Variants in ADAMTSL3 observed in about 807,000 individuals in gnomAD.
ADAMTSL3 encodes ADAMTS-like protein 3.
ADAMTSL3 carries 128 observed loss-of-function variants against 201.7 expected under a neutral mutation model. The ratio of observed to expected loss-of-function variants is 0.63; its 90% CI spans 0.55 to 0.73. The LOEUF (loss-of-function observed/expected upper bound fraction) is 0.73, where lower values mean the gene tolerates loss of function less well. Among genes scored for constraint, ADAMTSL3 ranks in the 30% least tolerant of loss-of-function variants. The pLI is 0.00. For missense variants in ADAMTSL3, 1,990 were observed against 2,119.6 expected (o/e 0.94, Z 1.20); for synonymous variants, 738 against 748.4 (o/e 0.99, Z 0.23).
At chr15:83,658,405 G>A (rs955021440) in intron 2 of ADAMTSL3, among the ~76,000 whole-genome samples, 7 of 152,298 alleles carry the variant, frequency 4.6e-5, no homozygotes, top group East Asian at 1.9e-4. Flanking sequence ...CACTGCGCCC[G>A]TCCACAAATA....
At chr15:84,020,988 A>G (rs1168769732) in intron 25 of ADAMTSL3, among the ~76,000 whole-genome samples, 3 of 152,216 alleles carry the variant, frequency 2.0e-5, no homozygotes, top group Non-Finnish European at 4.4e-5. Flanking sequence ...CTGCTAAATC[A>G]TCTTTCATTT....
intron 3 of ADAMTSL3, among the ~76,000 whole-genome samples, chr15:83,715,365 A>G (rs904314558): frequency 5.9e-5 from 9 of 152,226 alleles, no homozygotes; most frequent in Non-Finnish European, 1.0e-4. Context: ...TTAATAATAC[A>G]TGGCTACATA....
chr15:83,860,655 C>A (rs1356340909), intron 8 of ADAMTSL3, among the ~76,000 whole-genome samples: 1 of 152,206 alleles, frequency 6.6e-6, no homozygotes, highest in East Asian at 1.9e-4. Flanking sequence ...AATAAGTAAG[C>A]AATAAATAGA....
intron 3 of ADAMTSL3, chr15:83,717,627 G>A (rs1327921621): frequency 6.6e-6 from 1 of 152,090 alleles, no homozygotes; most frequent in Admixed American, 6.5e-5. Context: ...TTGGCTTTGG[G>A]ATCATGCAAA....
intron 3 of ADAMTSL3, among the ~76,000 whole-genome samples, chr15:83,771,094 A>G (rs1409118042): frequency 6.6e-6 from 1 of 151,878 alleles, no homozygotes; most frequent in Non-Finnish European, 1.5e-5. Context: ...AACAAACAAA[A>G]AGCCCACAAA....
At chr15:83,920,055 TATTTA>T (rs2066108021) in intron 16 of ADAMTSL3, among the ~76,000 whole-genome samples, 1 of 152,210 alleles carries the variant, frequency 6.6e-6, no homozygotes, top group African/African-American at 2.4e-5. Context: ...AATATGCTAT[TATTTA>T]ATTTAAGATA....
intron 24 of ADAMTSL3, among the ~76,000 whole-genome samples, chr15:84,015,168 T>A (rs548112933): frequency 1.3e-5 from 2 of 152,236 alleles, no homozygotes; most frequent in Admixed American, 6.5e-5. Context: ...ATGGTCTCAA[T>A]CTCTTGACCT....
chr15:83,996,404 A>G (rs1289620495), intron 23 of ADAMTSL3, among the ~76,000 whole-genome samples: 1 of 152,242 alleles, frequency 6.6e-6, no homozygotes, highest in East Asian at 1.9e-4. Flanking sequence ...AAGTCAAGCC[A>G]CATTTCTGGC....
chr15:83,903,942 AAAG>A (rs2065782855), intron 15 of ADAMTSL3, among the ~76,000 whole-genome samples: 3 of 38,112 alleles, frequency 7.9e-5, no homozygotes, highest in African/African-American at 6.3e-4. Flanking sequence ...AAAAAAAAAA[AAAG>A]AAAAAAGAAA....
intron 8 of ADAMTSL3, among the ~76,000 whole-genome samples, chr15:83,870,463 C>T (rs2065060483): frequency 6.6e-6 from 1 of 152,088 alleles, no homozygotes; most frequent in African/African-American, 2.4e-5. Context: ...ATCTTTTGAA[C>T]AAGTAATAAA....
chr15:84,002,936 C>CTTTTTTTTTTTTT (rs368176543), intron 23 of ADAMTSL3, among the ~76,000 whole-genome samples: 16 of 99,976 alleles, frequency 1.6e-4, no homozygotes, highest in Admixed American at 2.6e-4. Flanking sequence ...CTTTTCTTTT[C>CTTTTTTTTTTTTT]TTTTTTTTTT....
intron 19 of ADAMTSL3, among the ~76,000 whole-genome samples, chr15:83,969,374 G>T (rs2067151145): frequency 6.6e-6 from 1 of 152,096 alleles, no homozygotes; most frequent in Non-Finnish European, 1.5e-5. Context: ...AATCTGAGAG[G>T]CAGAGATTCC....
chr15:83,890,266 AC>A lies in ADAMTSL3; in HGVS notation c.1211+22del, dbSNP rs749334738. 21 of 1,610,076 alleles carry A rather than the reference AC, an allele frequency of 1.3e-5. No homozygotes were observed. Among genetic ancestry groups the A allele is most frequent in the Non-Finnish European group, 1.5e-5 (18 of 1,178,544 alleles). The stretch of plus-strand genomic sequence containing the variant: ...CATCAAGGTTTGTGTCATTGTCCAC[AC>A]CCTTTTTACTTCAAAAAGAAACAAA... On this transcript the variant is annotated intron_variant, in intron 11 of 29. Transcript: ENST00000286744.
chr15:83,948,190 A>C (rs900094873), intron 19 of ADAMTSL3, among the ~76,000 whole-genome samples: 1 of 152,202 alleles, frequency 6.6e-6, no homozygotes, highest in Admixed American at 6.5e-5. Flanking sequence ...TATGAATTAC[A>C]ACTCGTGAAG....
At chr15:83,971,578 G>A (rs28544216) in intron 20 of ADAMTSL3, among the ~76,000 whole-genome samples, 33,772 of 100,058 alleles carry the variant, frequency 0.34, 5,013 homozygotes, top group Non-Finnish European at 0.37. Context: ...AAAAAAAAAA[G>A]AAAGAAAGAA....
At chr15:83,733,096 G>A (rs781033766) in intron 3 of ADAMTSL3, among the ~76,000 whole-genome samples, 1 of 152,082 alleles carries the variant, frequency 6.6e-6, no homozygotes, top group Non-Finnish European at 1.5e-5. Flanking sequence ...TAAATTTACC[G>A]TCTGGGTGTA....
intron 7 of ADAMTSL3, among the ~76,000 whole-genome samples, chr15:83,853,906 CTCTA>C (rs36062109): frequency 0.43 from 63,208 of 146,226 alleles, 13,513 homozygotes; most frequent in African/African-American, 0.47. Context: ...ATCACTCTAT[CTCTA>C]TCTATCTATC....
At chr15:83,893,922 C>T (rs756182685) in intron 13 of ADAMTSL3, among the ~76,000 whole-genome samples, 6 of 152,162 alleles carry the variant, frequency 3.9e-5, no homozygotes, top group Non-Finnish European at 8.8e-5. Context: ...TTTCTGCACA[C>T]TTAGTTCATC....
At chr15:83,848,089 C>T (rs2064537977) in intron 7 of ADAMTSL3, among the ~76,000 whole-genome samples, 2 of 150,972 alleles carry the variant, frequency 1.3e-5, no homozygotes, top group Admixed American at 1.3e-4. Flanking sequence ...AAAATAAATG[C>T]AGGTTCTATA....
Sources: gnomAD v4.1 joint callset for allele counts (sites outside exome capture counted in the v4.1 genomes callset) on GRCh38, gnomAD v4.1.1 for gene constraint, MANE v1.5 for transcripts, NCBI Gene and HGNC (gene_info 2026-07-23, HGNC 2026-07-21) for gene names.